The following SBF2 variants were observed in gnomAD, a reference collection of about 807,000 sequenced individuals.
The protein encoded by SBF2 is myotubularin-related protein 13.
In SBF2, 112 loss-of-function variants were observed where a neutral mutation model predicts 225.2. The ratio of observed to expected loss-of-function variants is 0.50; its 90% CI spans 0.43 to 0.58. SBF2 has a LOEUF of 0.58. SBF2 is among the 20% of genes least tolerant of loss of function. SBF2 has a pLI of 0.00. For missense variants in SBF2, 1,996 were observed against 2,206.2 expected (o/e 0.90, Z 1.91); for synonymous variants, 763 against 773.3 (o/e 0.99, Z 0.22).
At chr11:9,891,796 G>T (rs1336354285) in intron 17 of SBF2, among the ~76,000 whole-genome samples, 4 of 152,180 alleles carry the variant, frequency 2.6e-5, no homozygotes, top group African/African-American at 9.7e-5. Context: ...ATAATTTGTG[G>T]TGGCTGTCGC....
chr11:9,858,133 G>A, intron 18 of SBF2, 93 bp downstream of exon 18: 1 of 1,390,546 alleles, frequency 7.2e-7, no homozygotes, highest in East Asian at 2.3e-5. Context: ...CTGGCAGGAA[G>A]TAGCTAGAGT....
At chr11:10,165,549 T>C (rs2135225783) in intron 2 of SBF2, among the ~76,000 whole-genome samples, 1 of 152,316 alleles carries the variant, frequency 6.6e-6, no homozygotes, top group South Asian at 2.1e-4. Flanking sequence ...AATTTCTTTT[T>C]GAAATGCAGA....
At chr11:10,233,077 T>C (rs1304896005) in intron 1 of SBF2, among the ~76,000 whole-genome samples, 2 of 152,192 alleles carry the variant, frequency 1.3e-5, no homozygotes, top group Non-Finnish European at 2.9e-5. Flanking sequence ...AAGGAAATAT[T>C]TTCAGCCAAA....
chr11:9,998,042 G>A (rs1394993563), intron 9 of SBF2, among the ~76,000 whole-genome samples: 2 of 152,086 alleles, frequency 1.3e-5, no homozygotes, highest in African/African-American at 4.8e-5. Flanking sequence ...AATGAAGGAA[G>A]GAATGTAGAA....
chr11:9,878,015 A>G (rs902868888), intron 17 of SBF2, among the ~76,000 whole-genome samples: 1 of 152,196 alleles, frequency 6.6e-6, no homozygotes, highest in African/African-American at 2.4e-5. Flanking sequence ...TCCCACCAAC[A>G]GTGTAAAAGC....
Position 9,780,262 on chromosome 11 carries a change from A to T in SBF2, c.*156T>A. On this transcript the variant is annotated 3_prime_UTR_variant, in exon 40 of 40. Transcript: ENST00000256190. ...CCTGTGTGAAACACCTATTCAGGTTAAGTAGATATAGCAACCCCTGCAAGA... is the reference window on the plus strand; with the variant it reads ...CCTGTGTGAAACACCTATTCAGGTTTAGTAGATATAGCAACCCCTGCAAGA... The T allele has an allele frequency of 1.4e-6, 1 of 699,518 alleles. No homozygotes were observed. Among genetic ancestry groups the T allele is most frequent in the Non-Finnish European group, 2.6e-6 (1 of 388,230 alleles). The allele number at this position is 699,518 out of a possible 1,614,324, so 43.3% of individuals were successfully genotyped here.
intron 32 of SBF2, among the ~76,000 whole-genome samples, chr11:9,805,398 TG>T (rs1345298130): frequency 1.3e-5 from 2 of 152,192 alleles, no homozygotes; most frequent in Non-Finnish European, 2.9e-5. Context: ...GTCCACGGTA[TG>T]GATGTATCCC....
intron 2 of SBF2, among the ~76,000 whole-genome samples, chr11:10,192,313 C>G (rs1957204772): frequency 6.6e-6 from 1 of 152,132 alleles, no homozygotes; most frequent in South Asian, 2.1e-4. Flanking sequence ...CTACAGAACC[C>G]TCAGCTTTCT....
chr11:9,916,520 A>G (rs918081622), intron 16 of SBF2, among the ~76,000 whole-genome samples: 1 of 152,040 alleles, frequency 6.6e-6, no homozygotes, highest in African/African-American at 2.4e-5. Context: ...GGTGGTCAGG[A>G]TAGTAACATG....
At chr11:9,852,932 TCAAA>T (rs1267695009) in intron 20 of SBF2, among the ~76,000 whole-genome samples, 183 bp from the exon 21 acceptor site, 1 of 152,116 alleles carries the variant, frequency 6.6e-6, no homozygotes, top group Admixed American at 6.6e-5. Context: ...ATGAAAGGAC[TCAAA>T]CAGATACTTA....
intron 17 of SBF2, among the ~76,000 whole-genome samples, chr11:9,881,929 A>G (rs2134085744): frequency 6.6e-6 from 1 of 152,308 alleles, no homozygotes; most frequent in Admixed American, 6.5e-5. Context: ...TTGAGGCTGC[A>G]GTGAGCCATG....
chr11:10,270,939 G>C (rs1591342875), intron 1 of SBF2, among the ~76,000 whole-genome samples: 1 of 133,462 alleles, frequency 7.5e-6, no homozygotes, highest in Non-Finnish European at 1.5e-5. Context: ...ACCTTGCAGT[G>C]AGCCAAGATT....
intron 13 of SBF2, among the ~76,000 whole-genome samples, chr11:9,980,896 G>T (rs1192215000): frequency 6.6e-6 from 1 of 152,070 alleles, no homozygotes; most frequent in African/African-American, 2.4e-5. Flanking sequence ...ATTTAGATAA[G>T]CATAATTCAT....
chr11:10,076,022 G>A (rs776625017), intron 2 of SBF2, among the ~76,000 whole-genome samples: 16 of 152,060 alleles, frequency 1.1e-4, no homozygotes, highest in Non-Finnish European at 2.2e-4. Context: ...AGAAACATGA[G>A]AGCTAAATAT....
At position 9,895,990 on chromosome 11, in the gene SBF2, A is replaced by G; in HGVS notation, c.1882T>C (p.Tyr628His). ...TLQDCSSLEE[Y>H]NIAAALLPLT... ...GGGAGTAATGCTGCGGCAATGTTGT[A>G]TTCTTCTAAACTTGAACAATCCTTT... Residue 628 changes from tyrosine (Y) to histidine (H), a missense_variant, in exon 17 of 40, where the codon TAC becomes CAC. Transcript: ENST00000256190. The G allele has an allele frequency of 6.2e-7, 1 of 1,613,368 alleles. No homozygotes were observed.
At chr11:9,988,385 C>A (rs1947282088) in intron 13 of SBF2, among the ~76,000 whole-genome samples, 1 of 152,050 alleles carries the variant, frequency 6.6e-6, no homozygotes, top group South Asian at 2.1e-4. Context: ...AAAGCAAATG[C>A]AATAAAAACA....
chr11:10,152,405 C>G (rs887398413), intron 2 of SBF2, among the ~76,000 whole-genome samples: 1 of 151,866 alleles, frequency 6.6e-6, no homozygotes, highest in African/African-American at 2.4e-5. Flanking sequence ...CAAAATTAGC[C>G]GGGCGTGGTG....
intron 2 of SBF2, among the ~76,000 whole-genome samples, chr11:10,047,674 T>A (rs1396886377): frequency 6.6e-6 from 1 of 152,202 alleles, no homozygotes; most frequent in Non-Finnish European, 1.5e-5. Context: ...GCCTACCTTG[T>A]ATGAGTCTAG....
chr11:10,054,718 A>C (rs1950189599), intron 2 of SBF2, among the ~76,000 whole-genome samples: 1 of 152,190 alleles, frequency 6.6e-6, no homozygotes, highest in Non-Finnish European at 1.5e-5. Context: ...AGAAGAAAAC[A>C]AATAATCGTA....
Sources: gnomAD v4.1 joint callset for allele counts (sites outside exome capture counted in the v4.1 genomes callset) on GRCh38, gnomAD v4.1.1 for gene constraint, MANE v1.5 for transcripts, NCBI Gene and HGNC (gene_info 2026-07-23, HGNC 2026-07-21) for gene names.